Variants in ZNF385D observed in about 807,000 individuals in gnomAD.
The protein encoded by ZNF385D is zinc finger protein 385D.
A neutral mutation model predicts 35.8 loss-of-function variants in ZNF385D; 15 were observed. The observed-to-expected ratio is 0.42, with a 90% confidence interval of 0.28 to 0.64. ZNF385D has a LOEUF of 0.64. ZNF385D is among the 30% of genes least tolerant of loss of function. ZNF385D has a pLI of 0.23. For synonymous variants in ZNF385D, 212 were observed against 186.8 expected, an observed-to-expected ratio of 1.13 and a Z score of -1.10; for missense variants, 474 against 494.6, an observed-to-expected ratio of 0.96 and a Z score of 0.39.
At chr3:21,684,381 TCTCTCTCTCTCTCTCTCTCTCTC>T (rs755356589) in intron 1 of ZNF385D, among the ~76,000 whole-genome samples, 13,472 of 85,996 alleles carry the variant, frequency 0.16, 1,262 homozygotes, top group Non-Finnish European at 0.19. Context: ...TCTCTCTCTC[TCTCTCTCTCTCTCTCTCTCTCTC>T]CTCTCTCTCT....
At chr3:21,787,941 CAACAAAAAAAAAAAAAA>C (rs1408903318) in intron 3 of ZNF385D, among the ~76,000 whole-genome samples, 6 of 29,734 alleles carry the variant, frequency 2.0e-4, no homozygotes, top group South Asian at 2.1e-3. Flanking sequence ...GACTTCGTCT[CAACAAAAAAAAAAAAAA>C]AAAAAAAAAA....
intron 3 of ZNF385D, among the ~76,000 whole-genome samples, chr3:22,056,671 A>T (rs1194893476): frequency 6.6e-6 from 1 of 152,368 alleles, no homozygotes; most frequent in South Asian, 2.1e-4. Context: ...TTCAGTGTAC[A>T]TCAGCTATTG....
intron 2 of ZNF385D, among the ~76,000 whole-genome samples, chr3:22,323,695 TTAA>T (rs1480014962): frequency 6.6e-6 from 1 of 152,234 alleles, no homozygotes; most frequent in South Asian, 2.1e-4. Flanking sequence ...CATCTGTTTC[TTAA>T]TAATGAGGAT....
chr3:22,040,236 C>T (rs553299828), intron 3 of ZNF385D, among the ~76,000 whole-genome samples: 64 of 152,168 alleles, frequency 4.2e-4, no homozygotes, highest in Admixed American at 7.9e-4. Flanking sequence ...TACAAATTAT[C>T]CTAATTTGAG....
intron 1 of ZNF385D, among the ~76,000 whole-genome samples, chr3:21,747,765 C>T (rs1341111673): frequency 6.6e-6 from 1 of 152,168 alleles, no homozygotes; most frequent in Non-Finnish European, 1.5e-5. Flanking sequence ...GCAGCTCAGT[C>T]CATTGTACTG....
At chr3:21,790,280 G>A (rs1334435042) in intron 3 of ZNF385D, among the ~76,000 whole-genome samples, 1 of 151,814 alleles carries the variant, frequency 6.6e-6, no homozygotes, top group East Asian at 1.9e-4. Flanking sequence ...GGCTCATAAA[G>A]ATACATTAGA....
chr3:21,656,124 C>A (rs1020807581), intron 2 of ZNF385D, among the ~76,000 whole-genome samples: 8 of 152,000 alleles, frequency 5.3e-5, no homozygotes, highest in Admixed American at 6.6e-5. Flanking sequence ...TAGAGTCTCT[C>A]ACCCCACATG....
intron 3 of ZNF385D, among the ~76,000 whole-genome samples, chr3:21,977,345 T>G (rs1367398116): frequency 6.6e-6 from 1 of 152,208 alleles, no homozygotes; most frequent in Non-Finnish European, 1.5e-5. Context: ...AAATTTGTTT[T>G]TAATTAAAGC....
chr3:22,100,073 C>T (rs1300603468), intron 3 of ZNF385D, among the ~76,000 whole-genome samples: 1 of 150,624 alleles, frequency 6.6e-6, no homozygotes, highest in Non-Finnish European at 1.5e-5. Flanking sequence ...CCAAAAAACA[C>T]ATGAAAAAAT....
chr3:21,898,103 A>G (rs1699225521), intron 3 of ZNF385D, among the ~76,000 whole-genome samples: 1 of 152,174 alleles, frequency 6.6e-6, no homozygotes, highest in African/African-American at 2.4e-5. Flanking sequence ...GTGAATGAAA[A>G]TGTACAACTT....
chr3:22,275,414 A>C (rs559968940), intron 2 of ZNF385D, among the ~76,000 whole-genome samples: 1 of 152,200 alleles, frequency 6.6e-6, no homozygotes, highest in South Asian at 2.1e-4. Context: ...TTCTTTAATC[A>C]AAGTAATTAC....
chr3:22,365,175 T>C (rs996600607), intron 2 of ZNF385D, among the ~76,000 whole-genome samples: 3 of 152,038 alleles, frequency 2.0e-5, no homozygotes, highest in Admixed American at 1.3e-4. Flanking sequence ...TGGATGATGG[T>C]GATGTTTGCA....
At chr3:21,973,741 T>C (rs1431450298) in intron 3 of ZNF385D, among the ~76,000 whole-genome samples, 2 of 151,914 alleles carry the variant, frequency 1.3e-5, no homozygotes, top group East Asian at 1.9e-4. Context: ...CAGGATACAA[T>C]ATCAACATGC....
intron 1 of ZNF385D, among the ~76,000 whole-genome samples, chr3:21,666,810 G>T (rs1045474283): frequency 6.6e-6 from 1 of 152,154 alleles, no homozygotes; most frequent in Non-Finnish European, 1.5e-5. Flanking sequence ...AGGTGTGGTG[G>T]CTCACGCCTG....
intron 3 of ZNF385D, among the ~76,000 whole-genome samples, chr3:21,975,726 T>C (rs1399351358): frequency 6.4e-4 from 17 of 26,532 alleles, no homozygotes; most frequent in African/African-American, 1.6e-3. Flanking sequence ...TATATATATA[T>C]ATATATATAT....
chr3:22,335,395 G>A (rs936968993), intron 2 of ZNF385D, among the ~76,000 whole-genome samples: 2 of 152,078 alleles, frequency 1.3e-5, no homozygotes, highest in Non-Finnish European at 2.9e-5. Context: ...TTTTATTAAA[G>A]CATTAGATGT....
chr3:22,185,460 C>T (rs1385383438), intron 2 of ZNF385D, among the ~76,000 whole-genome samples: 1 of 152,006 alleles, frequency 6.6e-6, no homozygotes, highest in African/African-American at 2.4e-5. Flanking sequence ...ATGATCTACC[C>T]ATTCAATGTT....
At chr3:21,459,832 A>G (rs990971454) in intron 4 of ZNF385D, among the ~76,000 whole-genome samples, 1 of 152,200 alleles carries the variant, frequency 6.6e-6, no homozygotes, top group Non-Finnish European at 1.5e-5. Flanking sequence ...AAGGATAACT[A>G]AGACAATATT....
intron 1 of ZNF385D, among the ~76,000 whole-genome samples, chr3:21,694,900 G>A (rs958193265): frequency 2.0e-5 from 3 of 152,074 alleles, no homozygotes; most frequent in Non-Finnish European, 4.4e-5. Context: ...GAGATGTAAG[G>A]GAAGAAAATG....
Sources: allele counts gnomAD v4.1 joint callset (sites outside exome capture counted in the v4.1 genomes callset), GRCh38; gene constraint gnomAD v4.1.1; transcripts MANE v1.5; gene names NCBI Gene and HGNC (gene_info 2026-07-23, HGNC 2026-07-21).